Variants in TMTC1 observed in about 807,000 individuals in gnomAD.
TMTC1 encodes transmembrane O-mannosyltransferase targeting cadherins 1.
Under a neutral mutation model 104.8 loss-of-function variants are expected in TMTC1, and 73 were observed. That is an observed-to-expected ratio of 0.70 (90% CI 0.58 to 0.85). The LOEUF (loss-of-function observed/expected upper bound fraction) is 0.85. Ranked by LOEUF, TMTC1 falls within the 40% of genes least tolerant of loss-of-function variation. TMTC1 has a pLI of 0.00. For missense variants in TMTC1, 1,035 were observed against 1,096.1 expected (o/e 0.94, Z 0.79); for synonymous variants, 434 against 428.7 (o/e 1.01, Z -0.15).
intron 5 of TMTC1, among the ~76,000 whole-genome samples, chr12:29,739,708 C>A (rs1477589387): frequency 1.3e-5 from 2 of 151,928 alleles, no homozygotes; most frequent in Non-Finnish European, 2.9e-5. Flanking sequence ...AAAAGTCAAT[C>A]TTTTTTGTTT....
intron 5 of TMTC1, among the ~76,000 whole-genome samples, chr12:29,717,068 G>A (rs1022257231): frequency 3.9e-5 from 6 of 152,022 alleles, no homozygotes; most frequent in East Asian, 3.9e-4. Context: ...GATAAAAGAC[G>A]AGCTTATTGA....
chr12:29,681,635 C>T (rs1276446066), intron 5 of TMTC1, among the ~76,000 whole-genome samples: 1 of 151,980 alleles, frequency 6.6e-6, no homozygotes, highest in Admixed American at 6.6e-5. Context: ...CAGCAAAATG[C>T]AGATTGTGGG....
At chr12:29,710,752 C>T in intron 5 of TMTC1, among the ~76,000 whole-genome samples, 1 of 126,628 alleles carries the variant, frequency 7.9e-6, no homozygotes, top group African/African-American at 3.0e-5. Context: ...TATTTATAAT[C>T]TATTTATATT....
chr12:29,688,419 G>T (rs1166742682), intron 5 of TMTC1, among the ~76,000 whole-genome samples: 1 of 152,176 alleles, frequency 6.6e-6, no homozygotes, highest in East Asian at 1.9e-4. Flanking sequence ...GCAACTCCCA[G>T]AAAGGAGGTT....
chr12:29,561,279 G>A (rs751215566), intron 9 of TMTC1, among the ~76,000 whole-genome samples: 42 of 151,438 alleles, frequency 2.8e-4, no homozygotes, highest in Admixed American at 1.6e-3. Flanking sequence ...AACTTCATTC[G>A]TCATTCAACG....
chr12:29,648,899 T>A (rs556233555), intron 5 of TMTC1, among the ~76,000 whole-genome samples: 2 of 152,282 alleles, frequency 1.3e-5, no homozygotes, highest in Non-Finnish European at 1.5e-5. Context: ...GGTGTGCCTT[T>A]ACACTTCCAG....
At chr12:29,567,648 C>T (rs1945553516) in intron 9 of TMTC1, among the ~76,000 whole-genome samples, 1 of 152,122 alleles carries the variant, frequency 6.6e-6, no homozygotes, top group African/African-American at 2.4e-5. Context: ...TTAATTCCTC[C>T]CAGAAATACA....
chr12:29,685,071 C>G (rs1269326533), intron 5 of TMTC1, among the ~76,000 whole-genome samples: 1 of 151,976 alleles, frequency 6.6e-6, no homozygotes, highest in African/African-American at 2.4e-5. Flanking sequence ...CTTTCCAATA[C>G]ACATTTTTAT....
intron 10 of TMTC1, among the ~76,000 whole-genome samples, chr12:29,551,919 C>T (rs1945116492): frequency 6.6e-6 from 1 of 151,930 alleles, no homozygotes; most frequent in Non-Finnish European, 1.5e-5. Flanking sequence ...AGCATCATGA[C>T]ATATTAGCTG....
At chr12:29,579,940 G>T (rs562686612) in intron 8 of TMTC1, among the ~76,000 whole-genome samples, 7 of 152,274 alleles carry the variant, frequency 4.6e-5, no homozygotes, top group African/African-American at 1.7e-4. Context: ...TTCAAATCTT[G>T]GCTTCTGTAA....
At chr12:29,519,931 T>C (rs1204435405) in intron 12 of TMTC1, 5 of 152,250 alleles carry the variant, frequency 3.3e-5, no homozygotes, top group African/African-American at 4.8e-5. Flanking sequence ...GAAAAACTAA[T>C]TAAACTAAAT....
chr12:29,720,989 A>G (rs1942222450), intron 5 of TMTC1, among the ~76,000 whole-genome samples: 1 of 152,208 alleles, frequency 6.6e-6, no homozygotes, highest in African/African-American at 2.4e-5. Flanking sequence ...AAGACAGAAC[A>G]CTGGCTTCAA....
At chr12:29,660,934 C>G (rs1447292189) in intron 5 of TMTC1, 1 of 1,142,624 alleles carries the variant, frequency 8.8e-7, no homozygotes, top group African/African-American at 1.6e-5. Context: ...CTACCAGACA[C>G]AATGTTCTCC....
intron 5 of TMTC1, among the ~76,000 whole-genome samples, chr12:29,690,892 C>T (rs778733884): frequency 7.9e-5 from 12 of 152,154 alleles, no homozygotes; most frequent in South Asian, 2.1e-4. Context: ...GAGGAAATTA[C>T]GACAGTAAAA....
At chr12:29,674,973 T>C (rs953491798) in intron 5 of TMTC1, among the ~76,000 whole-genome samples, 5 of 152,246 alleles carry the variant, frequency 3.3e-5, no homozygotes, top group African/African-American at 1.2e-4. Context: ...GTTTCCATTT[T>C]CTTTGCAGCC....
chr12:29,665,531 A>G (rs914679932), intron 5 of TMTC1, among the ~76,000 whole-genome samples: 1 of 152,214 alleles, frequency 6.6e-6, no homozygotes, highest in African/African-American at 2.4e-5. Flanking sequence ...CAACCAGCCA[A>G]CCATAATCAT....
intron 5 of TMTC1, among the ~76,000 whole-genome samples, chr12:29,681,728 T>C (rs1449351188): frequency 6.9e-6 from 1 of 145,362 alleles, no homozygotes; most frequent in Admixed American, 7.1e-5. Flanking sequence ...GATGGGAAGG[T>C]GGAATCTACA....
intron 4 of TMTC1, among the ~76,000 whole-genome samples, chr12:29,753,754 G>C (rs1350838182): frequency 1.3e-5 from 2 of 152,234 alleles, no homozygotes; most frequent in Non-Finnish European, 2.9e-5. Context: ...AACCATATTT[G>C]TCTTGCTCTT....
chr12:29,543,889 C>G (rs1457510055), intron 10 of TMTC1, among the ~76,000 whole-genome samples: 2 of 152,166 alleles, frequency 1.3e-5, no homozygotes, highest in African/African-American at 4.8e-5. Context: ...TGACTTTCTA[C>G]AGAAGCCACG....
Sources: allele counts gnomAD v4.1 joint callset (sites outside exome capture counted in the v4.1 genomes callset), GRCh38; gene constraint gnomAD v4.1.1; transcripts MANE v1.5; gene names NCBI Gene and HGNC (gene_info 2026-07-23, HGNC 2026-07-21).